VAV2: variants seen among roughly 807,000 people sequenced by gnomAD.
VAV2 encodes the protein guanine nucleotide exchange factor VAV2.
A neutral mutation model predicts 132.5 loss-of-function variants in VAV2; 67 were observed. The ratio of observed to expected loss-of-function variants is 0.51; its 90% CI spans 0.42 to 0.62. VAV2 has a LOEUF of 0.62. Among genes scored for constraint, VAV2 ranks in the 20% least tolerant of loss-of-function variants. The probability of loss-of-function intolerance (pLI) is 0.00; values close to 1 mark genes in which losing one functional copy is unlikely to be tolerated. For missense variants in VAV2, 938 were observed against 1,153.6 expected (o/e 0.81, Z 2.71); for synonymous variants, 492 against 443.5 (o/e 1.11, Z -1.37).
At chr9:133,980,645 G>A (rs1842663831) in intron 1 of VAV2, among the ~76,000 whole-genome samples, 1 of 152,166 alleles carries the variant, frequency 6.6e-6, no homozygotes. Flanking sequence ...ACCATCCCCT[G>A]CAAGGCAGAG....
At chr9:133,902,280 C>T (rs928371683) in intron 2 of VAV2, among the ~76,000 whole-genome samples, 14 of 152,156 alleles carry the variant, frequency 9.2e-5, no homozygotes, top group African/African-American at 3.4e-4. Context: ...GGGCCTGGGA[C>T]ATGTCAGAAG....
intron 20 of VAV2, 111 bp from the exon 21 acceptor site, chr9:133,780,050 G>C: frequency 6.9e-7 from 1 of 1,454,564 alleles, no homozygotes; most frequent in South Asian, 1.2e-5. Context: ...AGATAGAGGG[G>C]TCAAGGCAGG....
In VAV2 at chr9:133,796,664, C is replaced by T. The variant is rs185536372; in HGVS notation, c.937-140G>A. On this transcript the variant is annotated intron_variant, in intron 10 of 29. Coordinates refer to ENST00000371850, the MANE Select transcript of VAV2 (RefSeq NM_001134398.2). Reference sequence around the variant, plus strand: ...TTTGGCCCTTCTCTAGCCAGGCTCCCGGAACCAGTCCATGCACCAGGTGTG... The same window carrying T: ...TTTGGCCCTTCTCTAGCCAGGCTCCTGGAACCAGTCCATGCACCAGGTGTG... 1.0e-4 allele frequency: 72 copies of T among 699,314 alleles called. No homozygotes were observed. In the East Asian group the frequency reaches 1.3e-3, roughly 12 times the overall value. The allele number at this position is 699,314 out of a possible 1,614,324, so 43.3% of individuals were successfully genotyped here.
rs565612024 is a variant in VAV2 at position 133,833,756 on chromosome 9, G to A, written c.449+516C>T. ...AGAGGCCTCTCAGAGAGAGGAATGA[G>A]GTGGACACGGAGAAGAGCAGAGGCG... On this transcript the variant is annotated intron_variant, in intron 4 of 29. Transcript: ENST00000371850. This position sits in a 1 kb window ranked among gnomAD's most constrained non-coding sequence, Gnocchi z 5.6. Among the ~76,000 whole-genome samples, 18 of 152,292 alleles carry A rather than the reference G, an allele frequency of 1.2e-4. No homozygotes were observed. Among genetic ancestry groups the A allele is most frequent in the African/African-American group, 4.1e-4 (17 of 41,578 alleles).
At chr9:133,805,650 C>T (rs1835105224) in intron 9 of VAV2, among the ~76,000 whole-genome samples, 1 of 152,152 alleles carries the variant, frequency 6.6e-6, no homozygotes, top group East Asian at 1.9e-4. Flanking sequence ...CCCAGAAACG[C>T]CACCTCCCCA....
At chr9:133,977,921 C>T (rs886341043) in intron 1 of VAV2, among the ~76,000 whole-genome samples, 4 of 152,338 alleles carry the variant, frequency 2.6e-5, no homozygotes, top group African/African-American at 7.2e-5. Context: ...CGTCCACCTG[C>T]CCTGGGGCAC....
intron 2 of VAV2, among the ~76,000 whole-genome samples, chr9:133,865,705 ATTTG>A (rs1464525734): frequency 2.6e-5 from 4 of 151,980 alleles, no homozygotes; most frequent in Admixed American, 6.6e-5. Context: ...CCACATGCTG[ATTTG>A]TTTCTTTTTG....
At chr9:133,850,742 G>C (rs1837135036) in intron 3 of VAV2, among the ~76,000 whole-genome samples, 1 of 152,202 alleles carries the variant, frequency 6.6e-6, no homozygotes, top group Non-Finnish European at 1.5e-5. Context: ...GACTTGCCCT[G>C]AATCCCTTTG....
chr9:133,791,679 G>T, intron 13 of VAV2, 104 bp downstream of exon 13: 1 of 983,540 alleles, frequency 1.0e-6, no homozygotes, highest in South Asian at 1.3e-5. Context: ...AGGCAGCCAT[G>T]GTGTGGCTGC....
intron 2 of VAV2, among the ~76,000 whole-genome samples, chr9:133,891,000 A>G (rs73561823): frequency 0.026 from 4,022 of 152,088 alleles, 98 homozygotes; most frequent in African/African-American, 0.056. Flanking sequence ...TCTAATATCT[A>G]TTTGGGCATT....
rs1262114884 is a variant in VAV2, at chr9:133,926,038, A to AGTTGC, written c.321+13060_321+13064dup. The AGTTGC allele has an allele frequency of 1.4e-5, 2 of 141,570 alleles. No homozygotes were observed. The highest frequency in any genetic ancestry group is 3.0e-5 in the Non-Finnish European group (2 of 66,018). The allele number at this position is 141,570 out of a possible 1,614,324, so 8.8% of individuals were successfully genotyped here. A position where few individuals can be genotyped will look rare whatever the true frequency, so the allele number is the denominator to read the frequency against. Reference sequence around the variant, plus strand: ...AAAAAAAAAAAAAAAAGCATGCACCAGTTGCACCAGGACCAGCTAAGAAAA... The same window carrying AGTTGC: ...AAAAAAAAAAAAAAAAGCATGCACCAGTTGCGTTGCACCAGGACCAGCTAAGAAAA... On this transcript the variant is annotated intron_variant, in intron 2 of 29. Transcript: ENST00000371850. The surrounding 1 kb of genome is among the most constrained non-coding windows in gnomAD (Gnocchi z 4.3).
At chr9:133,859,696 G>A (rs935738650) in intron 3 of VAV2, among the ~76,000 whole-genome samples, 1 of 151,430 alleles carries the variant, frequency 6.6e-6, no homozygotes, top group Admixed American at 6.6e-5. Context: ...GTACTGTATT[G>A]TCATGGGCTG....
intron 3 of VAV2, among the ~76,000 whole-genome samples, chr9:133,856,699 G>A (rs1328338896): frequency 6.6e-6 from 1 of 152,108 alleles, no homozygotes; most frequent in Non-Finnish European, 1.5e-5. Flanking sequence ...GGTATCGAGG[G>A]GCTGGTCCCT....
At chr9:133,904,530 C>G (rs1451650881) in intron 2 of VAV2, among the ~76,000 whole-genome samples, 2 of 152,280 alleles carry the variant, frequency 1.3e-5, no homozygotes, top group African/African-American at 2.4e-5. Flanking sequence ...AAAGCAGCCC[C>G]TGCAACAAAG....
chr9:133,872,664 G>A (rs1838104611), intron 2 of VAV2, among the ~76,000 whole-genome samples: 1 of 152,178 alleles, frequency 6.6e-6, no homozygotes, highest in Non-Finnish European at 1.5e-5. Context: ...GAAGGGAGAA[G>A]TGGGCCCAGG....
intron 17 of VAV2, 111 bp downstream of exon 17, chr9:133,785,665 G>A: frequency 1.1e-6 from 1 of 951,064 alleles, no homozygotes; most frequent in Non-Finnish European, 1.6e-6. Context: ...TTCCAACTTT[G>A]CCTCCCACCG....
rs1175495443 is a variant in VAV2 at position 133,763,422 on chromosome 9, C to T, written c.*640G>A. 6.6e-6 allele frequency: 1 copy of T among 152,576 alleles called. No individual in the cohort carries two copies. Among genetic ancestry groups the T allele is most frequent in the Non-Finnish European group, 1.5e-5 (1 of 68,284 alleles). 9.5% of individuals were successfully genotyped at this position (152,576 alleles called of 1,614,324 possible). A position where few individuals can be genotyped will look rare whatever the true frequency, so the allele number is the denominator to read the frequency against. ...CTGCCGTGTGGGGTCCGGGTGTGCC[C>T]CTGGCAAGGAGGGGAGTGGGGGAGT... On this transcript the variant is annotated 3_prime_UTR_variant, in exon 30 of 30. Transcript: ENST00000371850. This position sits in a 1 kb window ranked among gnomAD's most constrained non-coding sequence, Gnocchi z 6.8.
rs897074309 is a variant in VAV2, at chr9:133,879,287, C to T, written c.322-17855G>A. ...GTACCAAGCACTGTGCTAGGGTGACCTCTGGAGCTCCAAGGAACCAGCAGG... is the reference window on the plus strand; with the variant it reads ...GTACCAAGCACTGTGCTAGGGTGACTTCTGGAGCTCCAAGGAACCAGCAGG... On this transcript the variant is annotated intron_variant, in intron 2 of 29. Coordinates refer to ENST00000371850, the MANE Select transcript of VAV2 (RefSeq NM_001134398.2). The surrounding 1 kb of genome is among the most constrained non-coding windows in gnomAD (Gnocchi z 4.4). Among the ~76,000 whole-genome samples, 2 of 152,014 alleles carry T rather than the reference C, an allele frequency of 1.3e-5. No individual in the cohort carries two copies. Among genetic ancestry groups the T allele is most frequent in the African/African-American group, 4.8e-5 (2 of 41,412 alleles).
intron 2 of VAV2, among the ~76,000 whole-genome samples, chr9:133,930,975 G>A (rs1438677082): frequency 2.0e-5 from 3 of 152,212 alleles, no homozygotes; most frequent in Non-Finnish European, 4.4e-5. Context: ...TTATTGGAAG[G>A]TGCGCGCTGC....
Sources: gnomAD v4.1 joint callset for allele counts (sites outside exome capture counted in the v4.1 genomes callset) on GRCh38, gnomAD v4.1.1 for gene constraint, Gnocchi (gnomAD v3.1) non-coding constraint, MANE v1.5 for transcripts, NCBI Gene and HGNC (gene_info 2026-07-23, HGNC 2026-07-21) for gene names.